The following SDK1 variants were observed in gnomAD, a reference collection of about 807,000 sequenced individuals.
SDK1 encodes the protein sidekick cell adhesion molecule 1, also known as protein sidekick-1.
SDK1 carries 157 observed loss-of-function variants against 245.5 expected under a neutral mutation model. The observed-to-expected ratio is 0.64, with a 90% confidence interval of 0.56 to 0.73. SDK1 has a LOEUF of 0.73. Among genes scored for constraint, SDK1 ranks in the 30% least tolerant of loss-of-function variants. SDK1 has a pLI of 0.00. For synonymous variants in SDK1, 1,647 were observed against 1,278.5 expected, an observed-to-expected ratio of 1.29 and a Z score of -6.15; for missense variants, 3,583 against 3,002.3, an observed-to-expected ratio of 1.19 and a Z score of -4.52.
chr7:3,361,572 C>T (rs931197309), intron 1 of SDK1, among the ~76,000 whole-genome samples: 2 of 152,068 alleles, frequency 1.3e-5, no homozygotes, highest in East Asian at 3.9e-4. Flanking sequence ...ACAATTTTAC[C>T]CTCCCTCGTT....
At chr7:3,743,706 C>T (rs986264825) in intron 4 of SDK1, among the ~76,000 whole-genome samples, 3 of 151,882 alleles carry the variant, frequency 2.0e-5, no homozygotes, top group African/African-American at 7.3e-5. Flanking sequence ...AAGTAGATGT[C>T]GGAGGAGGAG....
intron 1 of SDK1, among the ~76,000 whole-genome samples, chr7:3,598,359 A>C (rs1041482831): frequency 6.6e-6 from 1 of 152,046 alleles, no homozygotes; most frequent in Non-Finnish European, 1.5e-5. Flanking sequence ...TTCTTATTCA[A>C]CTCAACAGTG....
At chr7:3,872,159 C>T (rs1156620235) in intron 5 of SDK1, among the ~76,000 whole-genome samples, 1 of 151,982 alleles carries the variant, frequency 6.6e-6, no homozygotes, top group East Asian at 1.9e-4. Context: ...ATATGTTATT[C>T]TTTCGTGTAC....
At chr7:3,906,397 T>A (rs1171288794) in intron 5 of SDK1, among the ~76,000 whole-genome samples, 1 of 145,718 alleles carries the variant, frequency 6.9e-6, no homozygotes, top group East Asian at 1.9e-4. Context: ...TGTGTGTGTG[T>A]GTGAGAGAGA....
chr7:4,015,941 C>T (rs951189130), intron 16 of SDK1, among the ~76,000 whole-genome samples: 1 of 152,246 alleles, frequency 6.6e-6, no homozygotes, highest in South Asian at 2.1e-4. Context: ...TGTGAAGAAC[C>T]TTGTGTGACC....
chr7:3,411,161 G>A (rs1185853386), intron 1 of SDK1, among the ~76,000 whole-genome samples: 2 of 152,184 alleles, frequency 1.3e-5, no homozygotes, highest in African/African-American at 2.4e-5. Flanking sequence ...GGGAAGATCA[G>A]TGTAGGGCAA....
At chr7:4,125,332 G>A (rs1168626765) in intron 25 of SDK1, among the ~76,000 whole-genome samples, 4 of 149,698 alleles carry the variant, frequency 2.7e-5, no homozygotes, top group African/African-American at 1.0e-4. Context: ...TGAATGGATG[G>A]ATGAATGAAT....
At chr7:3,792,893 C>G (rs529236398) in intron 4 of SDK1, among the ~76,000 whole-genome samples, 4 of 152,272 alleles carry the variant, frequency 2.6e-5, no homozygotes, top group African/African-American at 9.6e-5. Context: ...CTAGCACTGG[C>G]GTTTTAACAT....
At chr7:3,576,584 G>T (rs1780299364) in intron 1 of SDK1, among the ~76,000 whole-genome samples, 2 of 152,038 alleles carry the variant, frequency 1.3e-5, no homozygotes, top group African/African-American at 4.8e-5. Flanking sequence ...TAGTAAATCT[G>T]CCAGTATCTT....
chr7:4,008,460 C>T (rs1400646543), intron 14 of SDK1, among the ~76,000 whole-genome samples: 4 of 152,130 alleles, frequency 2.6e-5, no homozygotes, highest in Admixed American at 6.6e-5. Flanking sequence ...TTATTCCTGA[C>T]GCAAGTCCTG....
chr7:4,107,026 G>A (rs76486200), intron 22 of SDK1, among the ~76,000 whole-genome samples: 23,774 of 151,356 alleles, frequency 0.16, 2,151 homozygotes, highest in Middle Eastern at 0.25. Context: ...AGGAGGGCAG[G>A]GAGCTCTAGG....
intron 35 of SDK1, among the ~76,000 whole-genome samples, chr7:4,180,948 T>C (rs1004762143): frequency 1.3e-5 from 2 of 152,118 alleles, no homozygotes; most frequent in Admixed American, 1.3e-4. Context: ...GCCATATAAG[T>C]CTGTCATCGT....
intron 20 of SDK1, among the ~76,000 whole-genome samples, chr7:4,074,111 G>T (rs1780461409): frequency 1.3e-5 from 2 of 152,112 alleles, no homozygotes; most frequent in Admixed American, 6.5e-5. Context: ...GGGTCTTCAG[G>T]TATTTGACTT....
intron 1 of SDK1, among the ~76,000 whole-genome samples, chr7:3,413,645 C>G (rs779905373): frequency 6.6e-6 from 1 of 151,918 alleles, no homozygotes; most frequent in Non-Finnish European, 1.5e-5. Flanking sequence ...GAGCTGAGAT[C>G]ACACCACTGC....
At chr7:4,145,998 A>G in intron 29 of SDK1, 82 bp downstream of exon 29, 2 of 1,282,194 alleles carry the variant, frequency 1.6e-6, no homozygotes, top group Non-Finnish European at 2.2e-6. Flanking sequence ...TCTGCGGGGT[A>G]CCTGGGAGGC....
intron 22 of SDK1, among the ~76,000 whole-genome samples, chr7:4,081,329 C>T (rs924126716): frequency 1.4e-4 from 21 of 152,150 alleles, no homozygotes; most frequent in African/African-American, 4.8e-4. Flanking sequence ...CATTTCAGCT[C>T]ATCTGGGAGG....
chr7:4,266,279 A>T lies in SDK1; in HGVS notation c.*895A>T. On this transcript the variant is annotated 3_prime_UTR_variant, in exon 45 of 45. Coordinates refer to ENST00000404826, the MANE Select transcript of SDK1 (RefSeq NM_152744.4). ...TTTAAAATCTTTTTATCTTTTTTTA[A>T]ACTATGTCACATGAAATGAATGCGT... The T allele has an allele frequency of 1.0e-6, 1 of 985,390 alleles. No homozygotes were observed. Among genetic ancestry groups the T allele is most frequent in the Non-Finnish European group, 1.2e-6 (1 of 829,898 alleles). 61.0% of individuals were successfully genotyped at this position (985,390 alleles called of 1,614,324 possible).
intron 4 of SDK1, among the ~76,000 whole-genome samples, chr7:3,677,072 C>A (rs1368275625): frequency 6.6e-6 from 1 of 152,166 alleles, no homozygotes; most frequent in Non-Finnish European, 1.5e-5. Context: ...TTCAAGAAAT[C>A]TGGGTGGCTA....
chr7:3,741,849 C>T (rs530269342), intron 4 of SDK1, among the ~76,000 whole-genome samples: 49 of 151,932 alleles, frequency 3.2e-4, no homozygotes, highest in Non-Finnish European at 6.5e-4. Context: ...TGTGTATATA[C>T]GTGTGTGTGG....
Sources: allele counts gnomAD v4.1 joint callset (sites outside exome capture counted in the v4.1 genomes callset), GRCh38; gene constraint gnomAD v4.1.1; transcripts MANE v1.5; gene names NCBI Gene and HGNC (gene_info 2026-07-23, HGNC 2026-07-21).